DACH2: variants seen among roughly 807,000 people sequenced by gnomAD.
The protein encoded by DACH2 is dachshund homolog 2.
Under a neutral mutation model 35.8 loss-of-function variants are expected in DACH2, and 17 were observed. The ratio of observed to expected loss-of-function variants is 0.48; its 90% CI spans 0.33 to 0.71. DACH2 has a LOEUF of 0.71. DACH2 is among the 30% of genes least tolerant of loss of function. The pLI is 0.02. For missense variants in DACH2, 469 were observed against 472.7 expected (o/e 0.99, Z 0.07); for synonymous variants, 195 against 177.3 (o/e 1.10, Z -0.79).
chrX:86,731,146 G>T (rs975396275), intron 6 of DACH2, among the ~76,000 whole-genome samples: 2 of 110,967 alleles, frequency 1.8e-5, no homozygotes, highest in Non-Finnish European at 3.8e-5. Flanking sequence ...TACTGTTTTC[G>T]ATTTTATTAT....
intron 2 of DACH2, among the ~76,000 whole-genome samples, chrX:86,407,195 TC>T (rs2036540338): frequency 9.0e-6 from 1 of 111,726 alleles, no homozygotes; most frequent in Admixed American, 9.5e-5. Flanking sequence ...AGTTTGGAAA[TC>T]TAATTGAATG....
chrX:86,493,024 G>T (rs1036172627), intron 2 of DACH2, among the ~76,000 whole-genome samples: 1 of 111,377 alleles, frequency 9.0e-6, no homozygotes, highest in East Asian at 2.8e-4. Flanking sequence ...TTGAGAAATC[G>T]CCAAAGTGCT....
intron 2 of DACH2, among the ~76,000 whole-genome samples, chrX:86,485,550 G>C (rs2038006650): frequency 9.0e-6 from 1 of 111,141 alleles, no homozygotes; most frequent in African/African-American, 3.3e-5. Context: ...AATGTTTAAG[G>C]TGATAAATAT....
intron 2 of DACH2, among the ~76,000 whole-genome samples, chrX:86,500,237 C>T (rs967175553): frequency 9.0e-6 from 1 of 111,132 alleles, no homozygotes; most frequent in Non-Finnish European, 1.9e-5. Context: ...ATGTCTTCGC[C>T]GATTAAAGGC....
At chrX:86,285,458 T>C (rs1426030167) in intron 1 of DACH2, among the ~76,000 whole-genome samples, 1 of 112,143 alleles carries the variant, frequency 8.9e-6, no homozygotes, top group Non-Finnish European at 1.9e-5. Flanking sequence ...TATGGTTTAA[T>C]TTGTGTATTT....
At chrX:86,812,804 A>T (rs1231612019) in intron 7 of DACH2, 52 bp from the exon 8 acceptor site, 7 of 1,015,335 alleles carry the variant, frequency 6.9e-6, no homozygotes, top group Non-Finnish European at 9.2e-6. Flanking sequence ...GCTTAGTGAG[A>T]CTTTTGAGCT....
In DACH2 at chrX:86,777,266, A is replaced by G. The variant is rs749649930; in HGVS notation, c.1241-35590A>G. On this transcript the variant is annotated intron_variant, in intron 7 of 11. Coordinates refer to ENST00000373125, the MANE Select transcript of DACH2 (RefSeq NM_053281.3). The stretch of plus-strand genomic sequence containing the variant: ...AGCACCTGTTGTTTCCTGACTTTTT[A>G]ATGATCGCCATTCTAACTGGTGTGA... 4.0e-3 allele frequency among the ~76,000 whole-genome samples: 445 copies of G among 110,446 alleles called. 2 individuals carry two copies. The highest frequency in any genetic ancestry group is 0.014 in the African/African-American group (424 of 30,290).
rs755797920 is a variant in DACH2 at position 86,175,814 on chromosome X, TG to T, written c.488+26707del. On this transcript the variant is annotated intron_variant, in intron 1 of 11. Coordinates refer to ENST00000373125, the MANE Select transcript of DACH2 (RefSeq NM_053281.3). ...GTCGCTGTGGAAGTCCTCTTCTAAT[TG>T]TTTCAATTTTCTCAATGAAGTGGGC... Among the ~76,000 whole-genome samples, 6 of 111,405 alleles carry T rather than the reference TG, an allele frequency of 5.4e-5. 1 individual carries two copies. In the Admixed American group the frequency reaches 5.8e-4, roughly 11 times the overall value.
At chrX:86,811,490 T>G (rs1380403489) in intron 7 of DACH2, among the ~76,000 whole-genome samples, 1 of 111,806 alleles carries the variant, frequency 8.9e-6, no homozygotes, top group East Asian at 2.8e-4. Context: ...AGCCAAGTCT[T>G]TTTTCTTGAG....
At chrX:86,724,151 T>C (rs2041439073) in intron 6 of DACH2, among the ~76,000 whole-genome samples, 1 of 111,692 alleles carries the variant, frequency 9.0e-6, no homozygotes, top group Non-Finnish European at 1.9e-5. Context: ...CTGTCATGTT[T>C]TTTATTCCTT....
intron 3 of DACH2, among the ~76,000 whole-genome samples, chrX:86,629,121 A>T (rs1263068775): frequency 8.9e-6 from 1 of 111,790 alleles, no homozygotes; most frequent in African/African-American, 3.2e-5. Flanking sequence ...AAAAAACAGG[A>T]CTATGTGTTG....
intron 1 of DACH2, among the ~76,000 whole-genome samples, chrX:86,225,008 T>A (rs1434260645): frequency 9.0e-6 from 1 of 111,541 alleles, no homozygotes; most frequent in Non-Finnish European, 1.9e-5. Context: ...GTTAAGAGAG[T>A]CAGAGATAAC....
intron 3 of DACH2, among the ~76,000 whole-genome samples, chrX:86,634,049 A>G (rs2040233548): frequency 9.0e-6 from 1 of 111,492 alleles, no homozygotes; most frequent in Non-Finnish European, 1.9e-5. Context: ...GAAACTTACA[A>G]TCATGGTGGA....
At chrX:86,671,939 G>T (rs760217910) in intron 4 of DACH2, among the ~76,000 whole-genome samples, 5 of 111,664 alleles carry the variant, frequency 4.5e-5, no homozygotes, top group Admixed American at 3.8e-4. Flanking sequence ...ATTGTAATAT[G>T]AACAGAGATG....
At chrX:86,245,372 G>A (rs2033257008) in intron 1 of DACH2, among the ~76,000 whole-genome samples, 2 of 111,686 alleles carry the variant, frequency 1.8e-5, no homozygotes, top group Admixed American at 9.6e-5. Flanking sequence ...ACATGTGCAC[G>A]AGCATGGACC....
At chrX:86,756,601 A>T (rs1029264125) in intron 7 of DACH2, among the ~76,000 whole-genome samples, 1 of 110,711 alleles carries the variant, frequency 9.0e-6, no homozygotes, top group African/African-American at 3.3e-5. Context: ...CTGCAAATTT[A>T]CTTAATTTAT....
At chrX:86,336,557 G>A (rs2035314455) in intron 1 of DACH2, among the ~76,000 whole-genome samples, 1 of 111,516 alleles carries the variant, frequency 9.0e-6, no homozygotes, top group Non-Finnish European at 1.9e-5. Context: ...TCCACTCAGA[G>A]ACCCCATAGA....
intron 1 of DACH2, among the ~76,000 whole-genome samples, chrX:86,316,849 G>T (rs1374261684): frequency 9.0e-6 from 1 of 111,375 alleles, no homozygotes; most frequent in African/African-American, 3.3e-5. Flanking sequence ...GCTGGGCACG[G>T]TGCCTCACGC....
intron 3 of DACH2, among the ~76,000 whole-genome samples, chrX:86,648,118 A>G (rs2148404222): frequency 9.0e-6 from 1 of 111,308 alleles, no homozygotes; most frequent in African/African-American, 3.2e-5. Context: ...AACCAATTTC[A>G]ATGATTTAAA....
Sources: gnomAD v4.1 joint callset for allele counts (sites outside exome capture counted in the v4.1 genomes callset) on GRCh38, gnomAD v4.1.1 for gene constraint, MANE v1.5 for transcripts, NCBI Gene and HGNC (gene_info 2026-07-23, HGNC 2026-07-21) for gene names.